The following SDK1 variants were observed in gnomAD, a reference collection of about 807,000 sequenced individuals.
The protein encoded by SDK1 is protein sidekick-1.
Under a neutral mutation model 245.5 loss-of-function variants are expected in SDK1, and 157 were observed. The ratio of observed to expected loss-of-function variants is 0.64; its 90% CI spans 0.56 to 0.73. SDK1 has a LOEUF of 0.73. SDK1 is among the 30% of genes least tolerant of loss of function. The pLI, the probability that SDK1 is intolerant of heterozygous loss-of-function variation, is 0.00. For missense variants in SDK1, 3,583 were observed against 3,002.3 expected, an observed-to-expected ratio of 1.19 and a Z score of -4.52; for synonymous variants, 1,647 against 1,278.5, an observed-to-expected ratio of 1.29 and a Z score of -6.15.
Position 4,049,475 on chromosome 7 carries a change from G to A in SDK1, c.2718+12G>A, listed in dbSNP as rs756977798. ...ACCAGGGATACAAGGTACGTGGCCT[G>A]GGTTCAGGGCCTGTGGGCAGCTGTC... is the stretch of plus-strand genomic sequence containing the variant. On this transcript the variant is annotated intron_variant, in intron 18 of 44. Coordinates refer to ENST00000404826, the MANE Select transcript of SDK1 (RefSeq NM_152744.4). 6.3e-7 allele frequency: 1 copy of A among 1,590,300 alleles called. No individual in the cohort carries two copies. Among genetic ancestry groups the A allele is most frequent in the Non-Finnish European group, 8.6e-7 (1 of 1,158,322 alleles).
At chr7:4,051,612 G>A (rs1583951618) in intron 18 of SDK1, 26 bp from the exon 19 acceptor site, 1 of 1,593,582 alleles carries the variant, frequency 6.3e-7, no homozygotes, top group Non-Finnish European at 8.5e-7. Flanking sequence ...AAAACAGGCT[G>A]TCTTTTTCAC....
chr7:4,151,862 G>A (rs1780403512), intron 30 of SDK1, among the ~76,000 whole-genome samples: 1 of 152,202 alleles, frequency 6.6e-6, no homozygotes. Context: ...GATATTTCCT[G>A]AGGTTTTTGT....
chr7:3,327,916 C>T (rs1779974509), intron 1 of SDK1, among the ~76,000 whole-genome samples: 2 of 152,030 alleles, frequency 1.3e-5, no homozygotes, highest in South Asian at 2.1e-4. Flanking sequence ...GTCGTTCTGT[C>T]GTATGTTGAA....
intron 5 of SDK1, among the ~76,000 whole-genome samples, chr7:3,917,119 T>TA (rs1562535104): frequency 1.3e-5 from 2 of 152,234 alleles, no homozygotes; most frequent in African/African-American, 4.8e-5. Flanking sequence ...GTATAAAACA[T>TA]ACAAAAATTC....
chr7:4,124,663 G>C (rs1418446228), intron 25 of SDK1, among the ~76,000 whole-genome samples: 1 of 152,228 alleles, frequency 6.6e-6, no homozygotes, highest in Non-Finnish European at 1.5e-5. Flanking sequence ...CCATAACAAA[G>C]ATCAAACTAC....
chr7:4,222,318 A>T (rs1785190066), intron 40 of SDK1, among the ~76,000 whole-genome samples: 1 of 152,120 alleles, frequency 6.6e-6, no homozygotes, highest in African/African-American at 2.4e-5. Flanking sequence ...TTTTTGAGAC[A>T]GAGTCTCTTT....
intron 14 of SDK1, among the ~76,000 whole-genome samples, chr7:3,988,607 C>A (rs750948577): frequency 6.6e-5 from 10 of 152,150 alleles, no homozygotes; most frequent in Non-Finnish European, 1.5e-4. Context: ...ACATGAAACT[C>A]AACACGGATT....
chr7:3,994,242 A>G (rs1252711266), intron 14 of SDK1, among the ~76,000 whole-genome samples: 3 of 151,784 alleles, frequency 2.0e-5, no homozygotes, highest in African/African-American at 7.3e-5. Flanking sequence ...TCTTGTAACC[A>G]AATGTCTTCC....
At chr7:3,416,509 A>G (rs201010646) in intron 1 of SDK1, among the ~76,000 whole-genome samples, 1 of 149,140 alleles carries the variant, frequency 6.7e-6, no homozygotes, top group East Asian at 2.0e-4. Context: ...GGAGGCCTGC[A>G]GAAAGGTGCC....
chr7:3,580,479 G>T (rs954250978), intron 1 of SDK1, among the ~76,000 whole-genome samples: 2 of 152,102 alleles, frequency 1.3e-5, no homozygotes, highest in Non-Finnish European at 2.9e-5. Flanking sequence ...AGTACCCACA[G>T]ATAAGGCCAT....
chr7:4,173,759 G>A (rs977994159), intron 32 of SDK1, among the ~76,000 whole-genome samples: 1 of 152,180 alleles, frequency 6.6e-6, no homozygotes, highest in Non-Finnish European at 1.5e-5. Context: ...GGCATGGGGA[G>A]GCATCAGTGA....
intron 16 of SDK1, among the ~76,000 whole-genome samples, chr7:4,012,629 A>C (rs968353363): frequency 2.5e-5 from 3 of 121,218 alleles, no homozygotes; most frequent in South Asian, 5.7e-4. Flanking sequence ...GCTGGAGTGC[A>C]GTGGCACAAT....
intron 1 of SDK1, among the ~76,000 whole-genome samples, chr7:3,516,462 T>G (rs879844469): frequency 3.3e-5 from 5 of 152,130 alleles, no homozygotes; most frequent in African/African-American, 1.2e-4. Flanking sequence ...ATAGGTAATT[T>G]TTAGGTGTTC....
intron 5 of SDK1, among the ~76,000 whole-genome samples, chr7:3,866,046 G>C (rs970378731): frequency 1.3e-5 from 2 of 152,226 alleles, no homozygotes; most frequent in African/African-American, 4.8e-5. Flanking sequence ...AAAGGAGGCA[G>C]AGTGACAGAA....
In SDK1 at chr7:3,592,446, A is replaced by G. The variant is rs557973809; in HGVS notation, c.299-26634A>G. Among the ~76,000 whole-genome samples the G allele has an allele frequency of 2.6e-5, 4 of 152,362 alleles. No individual in the cohort carries two copies. In the East Asian group the frequency reaches 5.8e-4, roughly 22 times the overall value. On this transcript the variant is annotated intron_variant, in intron 1 of 44. Transcript: ENST00000404826. ...TCTACTTTAAGTCTTTTAATAGTCC[A>G]GATAATTATCACTCTGCTCACTGCC... is the stretch of plus-strand genomic sequence containing the variant.
At chr7:4,118,968 C>T (rs571269100) in intron 25 of SDK1, among the ~76,000 whole-genome samples, 1 of 148,516 alleles carries the variant, frequency 6.7e-6, no homozygotes, top group East Asian at 1.9e-4. Context: ...GGAAACAGAG[C>T]TTCTTTTGGG....
At chr7:3,822,083 G>A (rs1432019857) in intron 5 of SDK1, among the ~76,000 whole-genome samples, 2 of 152,162 alleles carry the variant, frequency 1.3e-5, no homozygotes, top group Non-Finnish European at 2.9e-5. Context: ...TGAAGACAAT[G>A]CACACAAATC....
rs143176142 is a variant in SDK1 at position 3,554,134 on chromosome 7, C to T, written c.299-64946C>T. ...CTAAATTGACGTTTCTGGAATACTT[C>T]ACCCAGAAACCACAGAATACATAGT... On this transcript the variant is annotated intron_variant, in intron 1 of 44. Transcript: ENST00000404826. 3.0e-3 allele frequency among the ~76,000 whole-genome samples: 464 copies of T among 152,290 alleles called. 1 individual carries two copies. The highest frequency in any genetic ancestry group is 0.011 in the African/African-American group (449 of 41,556).
chr7:3,836,649 C>G (rs539001318), intron 5 of SDK1, among the ~76,000 whole-genome samples: 1 of 152,186 alleles, frequency 6.6e-6, no homozygotes, highest in Admixed American at 6.5e-5. Context: ...AACACAAACA[C>G]CCAACTTAAG....
Sources: allele counts gnomAD v4.1 joint callset (sites outside exome capture counted in the v4.1 genomes callset), GRCh38; gene constraint gnomAD v4.1.1; transcripts MANE v1.5; gene names NCBI Gene and HGNC (gene_info 2026-07-23, HGNC 2026-07-21).